MAGI2: variants seen among roughly 807,000 people sequenced by gnomAD.
MAGI2 encodes the protein membrane associated guanylate kinase, WW and PDZ domain containing 2, also known as membrane-associated guanylate kinase, WW and PDZ domain-containing protein 2.
In MAGI2, 35 loss-of-function variants were observed where a neutral mutation model predicts 133.3. That is an observed-to-expected ratio of 0.26 (90% CI 0.20 to 0.35). The LOEUF (loss-of-function observed/expected upper bound fraction) is 0.35. Ranked by LOEUF, MAGI2 falls within the 10% of genes least tolerant of loss-of-function variation. MAGI2 has a pLI of 1.00. For missense variants in MAGI2, 1,636 were observed against 1,863.4 expected (o/e 0.88, Z 2.25); for synonymous variants, 729 against 710.6 (o/e 1.03, Z -0.41).
chr7:78,307,070 A>G (rs1798298550), intron 9 of MAGI2, among the ~76,000 whole-genome samples: 1 of 152,182 alleles, frequency 6.6e-6, no homozygotes, highest in Admixed American at 6.6e-5. Flanking sequence ...ACGTAAGTTG[A>G]ACTATCGGAA....
chr7:79,338,560 C>T (rs1840660353), intron 1 of MAGI2, among the ~76,000 whole-genome samples: 1 of 152,226 alleles, frequency 6.6e-6, no homozygotes, highest in South Asian at 2.1e-4. Flanking sequence ...GGAGTCCGTA[C>T]ATTTCGAGAG....
chr7:78,385,451 TG>T (rs751379158), intron 6 of MAGI2, among the ~76,000 whole-genome samples: 7 of 152,262 alleles, frequency 4.6e-5, no homozygotes, highest in Non-Finnish European at 8.8e-5. Context: ...GCTTTTCCCT[TG>T]ACATGAAAGG....
Position 79,045,561 on chromosome 7 carries a change from G to A in MAGI2, c.302-38355C>T, listed in dbSNP as rs530852317. 1.2e-4 allele frequency among the ~76,000 whole-genome samples: 19 copies of A among 152,262 alleles called. 1 individual carries two copies. In the South Asian group the frequency reaches 1.9e-3, roughly 15 times the overall value. On this transcript the variant is annotated intron_variant, in intron 1 of 21. Transcript: ENST00000354212. ...GCCAGGTGTCACTTTGGGAGGCGGAGGCAGGCGGATCACGAGGTCAGGAGA... is the reference window on the plus strand; with the variant it reads ...GCCAGGTGTCACTTTGGGAGGCGGAAGCAGGCGGATCACGAGGTCAGGAGA...
chr7:79,101,964 C>G (rs11489636), intron 1 of MAGI2, among the ~76,000 whole-genome samples: 1 of 151,750 alleles, frequency 6.6e-6, no homozygotes. Context: ...TTTCTTATCA[C>G]AGTAGACTAT....
intron 1 of MAGI2, among the ~76,000 whole-genome samples, chr7:79,136,119 AAG>A (rs1189672562): frequency 1.3e-5 from 2 of 148,960 alleles, no homozygotes; most frequent in East Asian, 4.0e-4. Flanking sequence ...GAAAGAAAGA[AAG>A]AAAGAAAGAC....
At chr7:78,280,727 G>A (rs114866040) in intron 9 of MAGI2, among the ~76,000 whole-genome samples, 48 of 152,112 alleles carry the variant, frequency 3.2e-4, no homozygotes, top group African/African-American at 1.1e-3. Context: ...CACTCAGACT[G>A]TGGACAGTCA....
chr7:78,734,168 T>A (rs1381286295), intron 2 of MAGI2, among the ~76,000 whole-genome samples: 1 of 152,312 alleles, frequency 6.6e-6, no homozygotes, highest in South Asian at 2.1e-4. Context: ...CAGATTATGA[T>A]TTTTCTCTAT....
chr7:78,603,004 A>G (rs1421680551), intron 3 of MAGI2, among the ~76,000 whole-genome samples: 2 of 152,178 alleles, frequency 1.3e-5, no homozygotes, highest in Non-Finnish European at 2.9e-5. Flanking sequence ...TCAAAGCTTT[A>G]GCTCCCTGAC....
intron 1 of MAGI2, among the ~76,000 whole-genome samples, chr7:79,380,366 A>G (rs561296981): frequency 6.6e-6 from 1 of 151,904 alleles, no homozygotes; most frequent in Admixed American, 6.6e-5. Context: ...CTTCTGCTCT[A>G]TAACAACAAT....
At chr7:78,794,991 G>A (rs1787485752) in intron 2 of MAGI2, among the ~76,000 whole-genome samples, 1 of 152,124 alleles carries the variant, frequency 6.6e-6, no homozygotes, top group Admixed American at 6.6e-5. Flanking sequence ...CAGAGCAGCT[G>A]AGATTACAGG....
At chr7:78,380,256 A>T (rs1029822) in intron 6 of MAGI2, among the ~76,000 whole-genome samples, 113,296 of 151,688 alleles carry the variant, frequency 0.75, 42,452 homozygotes, top group Admixed American at 0.78. Flanking sequence ...CTAGCTTAAG[A>T]TTAAAAAGAG....
intron 1 of MAGI2, among the ~76,000 whole-genome samples, chr7:79,180,174 A>G (rs1826485400): frequency 6.6e-6 from 1 of 152,034 alleles, no homozygotes. Flanking sequence ...ACACAACATC[A>G]TTAATCATCG....
chr7:78,032,994 A>G (rs912953320), intron 21 of MAGI2, among the ~76,000 whole-genome samples: 2 of 152,122 alleles, frequency 1.3e-5, no homozygotes, highest in Non-Finnish European at 2.9e-5. Flanking sequence ...GATGGTTTCA[A>G]GCAGAGAAAT....
chr7:78,283,128 A>G (rs1390470538), intron 9 of MAGI2, among the ~76,000 whole-genome samples: 2 of 152,038 alleles, frequency 1.3e-5, no homozygotes, highest in East Asian at 3.9e-4. Context: ...AAGTGCTGGG[A>G]TTATGGATTT....
At chr7:78,820,452 G>T (rs1323488079) in intron 2 of MAGI2, among the ~76,000 whole-genome samples, 5 of 151,882 alleles carry the variant, frequency 3.3e-5, no homozygotes, top group Admixed American at 3.3e-4. Flanking sequence ...AATTAAAAAA[G>T]AGAGGAGTGA....
At chr7:78,199,573 A>G (rs1381111114) in intron 11 of MAGI2, among the ~76,000 whole-genome samples, 2 of 152,224 alleles carry the variant, frequency 1.3e-5, no homozygotes, top group African/African-American at 2.4e-5. Context: ...ACTTGAGTCC[A>G]GGTAGAATGC....
intron 2 of MAGI2, among the ~76,000 whole-genome samples, chr7:78,764,564 T>C (rs971362501): frequency 6.6e-6 from 1 of 152,204 alleles, no homozygotes; most frequent in African/African-American, 2.4e-5. Flanking sequence ...CCATCCCAAA[T>C]GTTAAACAGT....
chr7:78,264,083 C>T (rs761185864), intron 9 of MAGI2, among the ~76,000 whole-genome samples: 6 of 152,106 alleles, frequency 3.9e-5, no homozygotes, highest in East Asian at 1.9e-4. Flanking sequence ...TTCCTGATAG[C>T]GTGATTCTTC....
chr7:78,730,916 G>A (rs1165228502), intron 2 of MAGI2, among the ~76,000 whole-genome samples: 1 of 151,982 alleles, frequency 6.6e-6, no homozygotes, highest in Non-Finnish European at 1.5e-5. Context: ...AAAACTTTGA[G>A]GTTGAAAACA....
Sources: gnomAD v4.1 joint callset for allele counts (sites outside exome capture counted in the v4.1 genomes callset) on GRCh38, gnomAD v4.1.1 for gene constraint, MANE v1.5 for transcripts, NCBI Gene and HGNC (gene_info 2026-07-23, HGNC 2026-07-21) for gene names.